Variants in ZBTB46 observed in about 807,000 individuals in gnomAD.
The protein encoded by ZBTB46 is zinc finger and BTB domain-containing protein 46.
ZBTB46 carries 8 observed loss-of-function variants against 44.1 expected under a neutral mutation model. The observed-to-expected ratio is 0.18, with a 90% CI of 0.11 to 0.33. ZBTB46 has a LOEUF of 0.33. Among genes scored for constraint, ZBTB46 ranks in the 10% least tolerant of loss-of-function variants. The pLI, the probability that ZBTB46 is intolerant of heterozygous loss-of-function variation, is 1.00. For missense variants in ZBTB46, 651 were observed against 847.7 expected (o/e 0.77, Z 2.88); for synonymous variants, 409 against 382.3 (o/e 1.07, Z -0.81).
At chr20:63,751,786 T>G (rs2092168491) in intron 4 of ZBTB46, among the ~76,000 whole-genome samples, 1 of 83,822 alleles carries the variant, frequency 1.2e-5, no homozygotes, top group Non-Finnish European at 2.3e-5. Context: ...GGTCTCCCCA[T>G]GAAGCCCCGC....
At chr20:63,765,341 A>C (rs2092312600) in intron 3 of ZBTB46, among the ~76,000 whole-genome samples, 1 of 152,196 alleles carries the variant, frequency 6.6e-6, no homozygotes, top group Non-Finnish European at 1.5e-5. Flanking sequence ...ACTGGGGTGA[A>C]GGGCAGCTCA....
intron 1 of ZBTB46, among the ~76,000 whole-genome samples, chr20:63,824,140 G>A (rs1019419160): frequency 3.3e-5 from 5 of 151,982 alleles, no homozygotes; most frequent in African/African-American, 7.3e-5. Flanking sequence ...GGCCACCTTC[G>A]AGGTTGAGCA....
chr20:63,778,632 G>A (rs773058055), intron 2 of ZBTB46, among the ~76,000 whole-genome samples: 2 of 152,232 alleles, frequency 1.3e-5, no homozygotes, highest in Non-Finnish European at 2.9e-5. Flanking sequence ...GCGGGTGGGA[G>A]TCTCCAGGGA....
chr20:63,783,161 G>C (rs2092484583), intron 2 of ZBTB46, among the ~76,000 whole-genome samples: 1 of 152,068 alleles, frequency 6.6e-6, no homozygotes. Context: ...TGGGCGTGGT[G>C]GTTCATGCCT....
chr20:63,826,108 C>A (rs193193739), intron 1 of ZBTB46, among the ~76,000 whole-genome samples: 3 of 152,340 alleles, frequency 2.0e-5, no homozygotes, highest in Admixed American at 6.5e-5. Flanking sequence ...GATATGCCAG[C>A]GAATGGGAAG....
intron 4 of ZBTB46, among the ~76,000 whole-genome samples, chr20:63,747,552 G>T (rs1568824192): frequency 7.6e-6 from 1 of 131,202 alleles, no homozygotes; most frequent in Admixed American, 7.7e-5. Flanking sequence ...GGGTGCGGGG[G>T]TGAGCAGGGC....
At chr20:63,778,379 G>A (rs768658988) in intron 2 of ZBTB46, among the ~76,000 whole-genome samples, 1 of 152,212 alleles carries the variant, frequency 6.6e-6, no homozygotes, top group Non-Finnish European at 1.5e-5. Context: ...ATGATGATTT[G>A]CAGATATTTT....
intron 2 of ZBTB46, among the ~76,000 whole-genome samples, chr20:63,784,614 C>T (rs2092497324): frequency 6.6e-6 from 1 of 152,238 alleles, no homozygotes; most frequent in Non-Finnish European, 1.5e-5. Flanking sequence ...TACTGTGCTC[C>T]CTCCGCAGAT....
chr20:63,749,579 G>A (rs558152225), intron 4 of ZBTB46, among the ~76,000 whole-genome samples: 9 of 152,178 alleles, frequency 5.9e-5, no homozygotes, highest in South Asian at 2.1e-4. Flanking sequence ...CTCGTGATCT[G>A]CCCGCCTTGG....
At chr20:63,818,947 G>C (rs900527412) in intron 1 of ZBTB46, among the ~76,000 whole-genome samples, 3 of 151,734 alleles carry the variant, frequency 2.0e-5, no homozygotes, top group Non-Finnish European at 4.4e-5. Context: ...GGCCAAGGTG[G>C]GCGGATCACA....
chr20:63,783,546 G>A (rs1318936135), intron 2 of ZBTB46, among the ~76,000 whole-genome samples: 5 of 152,152 alleles, frequency 3.3e-5, no homozygotes, highest in East Asian at 1.9e-4. Context: ...CTCTGTCCCC[G>A]TCACCAGCTG....
At chr20:63,812,300 G>C (rs573419958) in intron 1 of ZBTB46, among the ~76,000 whole-genome samples, 1 of 152,256 alleles carries the variant, frequency 6.6e-6, no homozygotes, top group Non-Finnish European at 1.5e-5. Context: ...ACGAGGTCAG[G>C]AGATCAAGAC....
At chr20:63,826,929 G>A (rs1330207835) in intron 1 of ZBTB46, among the ~76,000 whole-genome samples, 1 of 152,206 alleles carries the variant, frequency 6.6e-6, no homozygotes, top group East Asian at 1.9e-4. Context: ...CACTCTCCGG[G>A]AAGCAGGGTT....
rs770680486 is a variant in ZBTB46, at chr20:63,786,802, G to A, written c.937+3019C>T. ...TGGAATTACAGGCGTGAGCCACCCC[G>A]CCCGGCCTCGGATAACTTTTGTATT... On this transcript the variant is annotated intron_variant, in intron 2 of 4. Coordinates refer to ENST00000245663, the MANE Select transcript of ZBTB46 (RefSeq NM_001369741.1). Among the ~76,000 whole-genome samples the A allele has an allele frequency of 9.6e-4, 146 of 152,224 alleles. 1 individual carries two copies. Among genetic ancestry groups the A allele is most frequent in the Non-Finnish European group, 1.6e-3 (112 of 68,010 alleles).
chr20:63,759,168 T>G (rs1332795233), intron 3 of ZBTB46, among the ~76,000 whole-genome samples: 2 of 152,264 alleles, frequency 1.3e-5, no homozygotes, highest in African/African-American at 4.8e-5. Context: ...ATTTTTTGTT[T>G]AATTTATTCC....
chr20:63,803,282 G>C lies in ZBTB46; in HGVS notation c.-33-12492C>G. The C allele has an allele frequency of 2.0e-6, 2 of 981,602 alleles. No individual in the cohort carries two copies. Among genetic ancestry groups the C allele is most frequent in the Non-Finnish European group, 2.4e-6 (2 of 826,448 alleles). The allele number at this position is 981,602 out of a possible 1,614,324, so 60.8% of individuals were successfully genotyped here. Reference sequence around the variant, plus strand: ...CTTCTTCTGAAAAAATTAAGGTTAAGACATGAATACTGTGAAACTGTCGTA... The same window carrying C: ...CTTCTTCTGAAAAAATTAAGGTTAACACATGAATACTGTGAAACTGTCGTA... On this transcript the variant is annotated intron_variant, in intron 1 of 4. Coordinates refer to ENST00000245663, the MANE Select transcript of ZBTB46 (RefSeq NM_001369741.1). This position sits in a 1 kb window ranked among gnomAD's most constrained non-coding sequence, Gnocchi z 4.0.
intron 1 of ZBTB46, among the ~76,000 whole-genome samples, chr20:63,805,261 G>A (rs2092674145): frequency 6.6e-6 from 1 of 152,146 alleles, no homozygotes. Context: ...CTGATTTACA[G>A]TATTTCAAAA....
chr20:63,766,868 C>T (rs928477547), intron 3 of ZBTB46, among the ~76,000 whole-genome samples: 2 of 152,308 alleles, frequency 1.3e-5, no homozygotes, highest in East Asian at 1.9e-4. Context: ...TGGTGGGACG[C>T]GTCTCTGGCC....
At chr20:63,791,048 G>A (rs913149638) in intron 1 of ZBTB46, 3 of 398,626 alleles carry the variant, frequency 7.5e-6, no homozygotes, top group South Asian at 4.2e-5. Flanking sequence ...ATGGGGTTCT[G>A]AACAGAATCC....
Sources: gnomAD v4.1 joint callset for allele counts (sites outside exome capture counted in the v4.1 genomes callset) on GRCh38, gnomAD v4.1.1 for gene constraint, Gnocchi (gnomAD v3.1) non-coding constraint, MANE v1.5 for transcripts, NCBI Gene and HGNC (gene_info 2026-07-23, HGNC 2026-07-21) for gene names.